KIF20B: variants seen among roughly 807,000 people sequenced by gnomAD.
KIF20B encodes the protein kinesin family member 20B.
Under a neutral mutation model 232.5 loss-of-function variants are expected in KIF20B, and 188 were observed. The ratio of observed to expected loss-of-function variants is 0.81; its 90% CI spans 0.72 to 0.91. KIF20B has a LOEUF of 0.91. Ranked by LOEUF, KIF20B falls within the 40% of genes least tolerant of loss-of-function variation. The pLI is 0.00. For missense variants in KIF20B, 2,154 were observed against 2,055.9 expected (o/e 1.05, Z -0.92); for synonymous variants, 712 against 683.0 (o/e 1.04, Z -0.66).
intron 17 of KIF20B, among the ~76,000 whole-genome samples, 185 bp from the exon 18 acceptor site, chr10:89,728,943 G>A (rs1475138449): frequency 2.6e-5 from 2 of 77,656 alleles, no homozygotes; most frequent in Non-Finnish European, 5.3e-5. Flanking sequence ...GTGTGTGTGT[G>A]TGTGTATGTA....
chr10:89,718,674 T>C (rs766551370), intron 11 of KIF20B, 36 bp from the exon 12 acceptor site: 3 of 1,549,210 alleles, frequency 1.9e-6, no homozygotes, highest in East Asian at 4.5e-5. Flanking sequence ...GAGATGTTTT[T>C]TAACTTACAA....
In KIF20B at chr10:89,738,519, A is replaced by G. The variant is rs1056894911; in HGVS notation, c.3678A>G (p.Lys1226=). 3.1e-6 allele frequency: 5 copies of G among 1,602,976 alleles called. No individual in the cohort carries two copies. Among genetic ancestry groups the G allele is most frequent in the Non-Finnish European group, 4.3e-6 (5 of 1,175,276 alleles). ...TAAATGTAAAGGAACTCAAGCTGAA[A>G]GAAGAAATCACACAGTTAACAAATA... is the stretch of plus-strand genomic sequence containing the variant. ...KDLNVKELKL[K]EEITQLTNNL... Residue 1226 remains lysine (K), a synonymous_variant, in exon 20 of 33, where the codon AAA becomes AAG. Coordinates refer to ENST00000371728, the MANE Select transcript of KIF20B (RefSeq NM_001284259.2).
chr10:89,744,228 T>C (rs10881649), intron 22 of KIF20B, among the ~76,000 whole-genome samples: 47,418 of 152,018 alleles, frequency 0.31, 8,370 homozygotes, highest in African/African-American at 0.47. Context: ...ATTAGTCATA[T>C]TGATGCTGTG....
At chr10:89,706,304 A>G (rs1426581688) in intron 2 of KIF20B, among the ~76,000 whole-genome samples, 2 of 152,030 alleles carry the variant, frequency 1.3e-5, no homozygotes, top group African/African-American at 4.8e-5. Context: ...TCTTTTTCCC[A>G]TTTAAATTAG....
chr10:89,740,621 A>G (rs2133132863), intron 21 of KIF20B, among the ~76,000 whole-genome samples: 1 of 152,280 alleles, frequency 6.6e-6, no homozygotes, highest in African/African-American at 2.4e-5. Context: ...TTTCATTAGC[A>G]TAAATTCAGG....
intron 18 of KIF20B, among the ~76,000 whole-genome samples, chr10:89,730,973 G>T (rs962996238): frequency 6.7e-6 from 1 of 148,236 alleles, no homozygotes; most frequent in African/African-American, 2.4e-5. Flanking sequence ...TCGATTTACG[G>T]TAGTAGTAGT....
At chr10:89,752,997 ACTT>A (rs1842050841) in intron 25 of KIF20B, among the ~76,000 whole-genome samples, 1 of 152,196 alleles carries the variant, frequency 6.6e-6, no homozygotes, top group Admixed American at 6.5e-5. Context: ...TACTCCTTAA[ACTT>A]CTTACTCATC....
intron 1 of KIF20B, among the ~76,000 whole-genome samples, chr10:89,704,215 T>C (rs1001567119): frequency 3.3e-5 from 5 of 152,194 alleles, no homozygotes; most frequent in African/African-American, 1.2e-4. Context: ...TCGTTACTAC[T>C]TTCTTGAGCT....
At chr10:89,745,687 T>C (rs1053111933) in intron 22 of KIF20B, among the ~76,000 whole-genome samples, 3 of 152,084 alleles carry the variant, frequency 2.0e-5, no homozygotes, top group Non-Finnish European at 2.9e-5. Flanking sequence ...CTTGGCTCAC[T>C]GCAATCTCTA....
intron 29 of KIF20B, among the ~76,000 whole-genome samples, chr10:89,764,837 T>G (rs1413299793): frequency 6.6e-6 from 1 of 152,086 alleles, no homozygotes; most frequent in African/African-American, 2.4e-5. Context: ...TTTCTCCCAT[T>G]TTGTAGGTCA....
intron 6 of KIF20B, 105 bp from the exon 7 acceptor site, chr10:89,713,942 A>G (rs1278794627): frequency 6.8e-6 from 3 of 444,012 alleles, no homozygotes; most frequent in Non-Finnish European, 1.2e-5. Flanking sequence ...AGTAGATGAA[A>G]GGTTGTGATT....
In KIF20B at chr10:89,771,304, G is replaced by A. The variant is rs184483775; in HGVS notation, c.5243-1385G>A. 3.3e-4 allele frequency among the ~76,000 whole-genome samples: 44 copies of A among 134,266 alleles called. 1 individual carries two copies. The highest frequency in any genetic ancestry group is 2.7e-3 in the Admixed American group (37 of 13,962). 88.1% of individuals were successfully genotyped at this position (134,266 alleles called of 152,430 possible). ...TATCTTTTACACTAGAATATAATCT[G>A]CACGGACAAAATGTCTGTCTAGTTC... On this transcript the variant is annotated intron_variant, in intron 31 of 32. Coordinates refer to ENST00000371728, the MANE Select transcript of KIF20B (RefSeq NM_001284259.2).
chr10:89,716,103 A>G (rs1474744999), intron 8 of KIF20B, among the ~76,000 whole-genome samples: 1 of 152,254 alleles, frequency 6.6e-6, no homozygotes, highest in African/African-American at 2.4e-5. Flanking sequence ...TTTAATAGCT[A>G]GGTAATTTTA....
intron 19 of KIF20B, among the ~76,000 whole-genome samples, chr10:89,735,096 TAAAG>T (rs976121763): frequency 3.3e-5 from 5 of 152,170 alleles, no homozygotes; most frequent in African/African-American, 9.7e-5. Context: ...TTTTCAGTGT[TAAAG>T]AGAGAACATT....
chr10:89,708,693 CT>C (rs1554848634), intron 2 of KIF20B, among the ~76,000 whole-genome samples: 1 of 151,796 alleles, frequency 6.6e-6, no homozygotes, highest in South Asian at 2.1e-4. Context: ...TTCCTTTTTA[CT>C]TTTTTAAAAA....
Position 89,705,333 on chromosome 10 carries a change from A to T in KIF20B, c.39A>T (p.Pro13=). The change falls in exon 2 of 33, where the codon CCA becomes CCT. Residue 13 remains proline, a synonymous_variant. Coordinates refer to ENST00000371728, the MANE Select transcript of KIF20B (RefSeq NM_001284259.2). ...TTAATCAAGAGGGAGTACCTCGACC[A>T]TCTTATGTTTTTAGTGCTGACCCAA... is the stretch of plus-strand genomic sequence containing the variant. The part of the protein sequence containing the change: ...SNFNQEGVPR[P]SYVFSADPIA... 1.2e-6 allele frequency: 2 copies of T among 1,614,048 alleles called. No individual in the cohort carries two copies. The highest frequency in any genetic ancestry group is 2.7e-5 in the African/African-American group (2 of 75,060).
Position 89,760,601 on chromosome 10 carries a change from T to C in KIF20B, c.4756T>C (p.Ser1586Pro). 1.2e-6 allele frequency: 2 copies of C among 1,612,146 alleles called. No homozygotes were observed. Among genetic ancestry groups the C allele is most frequent in the Non-Finnish European group, 1.7e-6 (2 of 1,178,452 alleles). The change falls in exon 28 of 33, where the codon TCG becomes CCG. Residue 1586 changes from serine to proline, a missense_variant. Coordinates refer to ENST00000371728, the MANE Select transcript of KIF20B (RefSeq NM_001284259.2). ...DPDKLQTEPL[S>P]TSFEISRNKI... ...TGACAAACTTCAAACTGAACCTCTATCGACAAGTTTTGAAATTTCCAGAAA... is the reference window on the plus strand; with the variant it reads ...TGACAAACTTCAAACTGAACCTCTACCGACAAGTTTTGAAATTTCCAGAAA...
chr10:89,705,020 TTTACAGA>T (rs1842692866), intron 1 of KIF20B, among the ~76,000 whole-genome samples: 1 of 152,258 alleles, frequency 6.6e-6, no homozygotes, highest in Non-Finnish European at 1.5e-5. Flanking sequence ...TTATACCATC[TTTACAGA>T]TTACCTGTAC....
chr10:89,745,544 T>TA (rs1413987553), intron 22 of KIF20B, among the ~76,000 whole-genome samples: 1 of 151,834 alleles, frequency 6.6e-6, no homozygotes, highest in Admixed American at 6.6e-5. Flanking sequence ...AATAAATAAA[T>TA]AAATAAATAA....
Sources: allele counts gnomAD v4.1 joint callset (sites outside exome capture counted in the v4.1 genomes callset), GRCh38; gene constraint gnomAD v4.1.1; transcripts MANE v1.5; gene names NCBI Gene and HGNC (gene_info 2026-07-23, HGNC 2026-07-21).